The following SLC4A1 variants were observed in gnomAD, a reference collection of about 807,000 sequenced individuals.
The protein encoded by SLC4A1 is solute carrier family 4 member 1 (Diego blood group), also known as band 3 anion transport protein.
Under a neutral mutation model 93.1 loss-of-function variants are expected in SLC4A1, and 29 were observed. The observed-to-expected ratio is 0.31, with a 90% confidence interval of 0.23 to 0.42. The LOEUF (loss-of-function observed/expected upper bound fraction) is 0.42. SLC4A1 is among the 20% of genes least tolerant of loss of function. The pLI is 1.00. For synonymous variants in SLC4A1, 469 were observed against 497.2 expected, an observed-to-expected ratio of 0.94 and a Z score of 0.76; for missense variants, 965 against 1,190.1, an observed-to-expected ratio of 0.81 and a Z score of 2.78.
At chr17:44,260,946 C>G in intron 4 of SLC4A1, 131 bp from the exon 5 acceptor site, 1 of 1,003,630 alleles carries the variant, frequency 1.0e-6, no homozygotes, top group Non-Finnish European at 1.5e-6. Context: ...AGATACGGCT[C>G]ACACCACTCC....
intron 13 of SLC4A1, 69 bp downstream of exon 13, chr17:44,257,281 C>T (rs963991843): frequency 1.0e-5 from 15 of 1,497,426 alleles, no homozygotes; most frequent in South Asian, 4.5e-5. Flanking sequence ...CCTGAGCCCT[C>T]GCACCCGGCC....
At position 44,251,070 on chromosome 17, in the gene SLC4A1, C is replaced by G. The variant is rs543131475; in HGVS notation, c.2655+89G>C. ...ACACCAGCCCTAGCCCCAGACTTTA[C>G]CCATGACTCTGTCCTGCCTGCCCTA... On this transcript the variant is annotated intron_variant, in intron 19 of 19. Transcript: ENST00000262418. 241 of 1,420,742 alleles carry G rather than the reference C, an allele frequency of 1.7e-4. 3 individuals carry two copies. In the South Asian group the frequency reaches 2.8e-3, roughly 17 times the overall value. 88.0% of individuals were successfully genotyped at this position (1,420,742 alleles called of 1,614,324 possible).
In SLC4A1 at chr17:44,251,303, C is replaced by T. The variant is rs746196857; in HGVS notation, c.2511G>A (p.Thr837=). The part of the protein sequence containing the change: ...RVKTWRMHLF[T]GIQIICLAVL... Reference sequence around the variant, plus strand: ...CTGCCAGGCAGATGATCTGGATGCCCGTGAATAAGTGCATGCGCCAGGTCT... The same window carrying T: ...CTGCCAGGCAGATGATCTGGATGCCTGTGAATAAGTGCATGCGCCAGGTCT... Residue 837 remains threonine (T), a synonymous_variant, in exon 19 of 20, where the codon ACG becomes ACA. Transcript: ENST00000262418. 1.2e-6 allele frequency: 2 copies of T among 1,614,056 alleles called. No individual in the cohort carries two copies. Among genetic ancestry groups the T allele is most frequent in the Admixed American group, 1.7e-5 (1 of 60,008 alleles).
Position 44,250,930 on chromosome 17 carries a change from G to A in SLC4A1, c.2655+229C>T, listed in dbSNP as rs565191504. ...CAGCACACCCTGTCTGCCTCTTGAC[G>A]CTCTCCCCAGTCGTGCCATCATTTC... On this transcript the variant is annotated intron_variant, in intron 19 of 19. Transcript: ENST00000262418. 8.7e-4 allele frequency among the ~76,000 whole-genome samples: 132 copies of A among 152,280 alleles called. 1 individual carries two copies. The highest frequency in any genetic ancestry group is 1.1e-3 in the Non-Finnish European group (74 of 68,016).
Position 44,254,655 on chromosome 17 carries a change from G to C in SLC4A1, c.1898C>G (p.Ser633Trp), listed in dbSNP as rs760240566. 6.2e-7 allele frequency: 1 copy of C among 1,613,860 alleles called. No individual in the cohort carries two copies. Among genetic ancestry groups the C allele is most frequent in the Non-Finnish European group, 8.5e-7 (1 of 1,179,986 alleles). ...FIQDTYTQKLSVPDGFKVSNS... is the reference protein window; with the variant it reads ...FIQDTYTQKLWVPDGFKVSNS... The stretch of plus-strand genomic sequence containing the variant: ...GGACACCTTGAAGCCATCAGGCACC[G>C]AGAGTTTCTGTGGGAGGGGGTAGCA... Residue 633 changes from serine (S) to tryptophan (W), a missense_variant, in exon 16 of 20, where the codon TCG (serine) becomes TGG (tryptophan). Ser to Trp is a radical substitution (Grantham distance 177, BLOSUM62 -3). Coordinates refer to ENST00000262418, the MANE Select transcript of SLC4A1 (RefSeq NM_000342.4).
rs1817170937 is a variant in SLC4A1 at position 44,258,389 on chromosome 17, G to A, written c.1087+24C>T. 2 of 1,610,494 alleles carry A rather than the reference G, an allele frequency of 1.2e-6. No individual in the cohort carries two copies. The highest frequency in any genetic ancestry group is 1.7e-6 in the Non-Finnish European group (2 of 1,176,908). On this transcript the variant is annotated intron_variant, in intron 10 of 19. Transcript: ENST00000262418. This position sits in a 1 kb window ranked among gnomAD's most constrained non-coding sequence, Gnocchi z 6.1. ...CTGGGGGTCGGTGGGGGCTCAGAAA[G>A]CCTCAGCTGGGAAGGGCAGGTACCT...
rs752788858 is a variant in SLC4A1 at position 44,257,484 on chromosome 17, T to A, written c.1492A>T (p.Ile498Phe). ...VGRVWIGFWL[I>F]LLVVLVVAFE... ...GCCACCACCAACACCACCAGCAGGA[T>A]GAGCCAGAAGCCGATCCACACGCGG... Residue 498 changes from isoleucine (I) to phenylalanine (F), a missense_variant, in exon 13 of 20, where the codon ATC becomes TTC. By Grantham distance (21) the Ile-to-Phe change is conservative. Coordinates refer to ENST00000262418, the MANE Select transcript of SLC4A1 (RefSeq NM_000342.4). The A allele has an allele frequency of 1.2e-6, 2 of 1,613,364 alleles. No individual in the cohort carries two copies. Among genetic ancestry groups the A allele is most frequent in the Non-Finnish European group, 1.7e-6 (2 of 1,179,802 alleles).
chr17:44,257,646 A>C lies in SLC4A1; in HGVS notation c.1431+13T>G, dbSNP rs747632229. On this transcript the variant is annotated intron_variant, in intron 12 of 19. Coordinates refer to ENST00000262418, the MANE Select transcript of SLC4A1 (RefSeq NM_000342.4). ...GGGACATGACAGGGTCAGTGGGGCA[A>C]GGACAGAACTACCGAGAAGAAGGCT... is the stretch of plus-strand genomic sequence containing the variant. 9.3e-6 allele frequency: 15 copies of C among 1,613,580 alleles called. No homozygotes were observed. Among genetic ancestry groups the C allele is most frequent in the Admixed American group, 3.3e-5 (2 of 59,974 alleles).
intron 19 of SLC4A1, among the ~76,000 whole-genome samples, 191 bp from the exon 20 acceptor site, chr17:44,250,729 G>T (rs764829137): frequency 6.6e-6 from 1 of 152,176 alleles, no homozygotes; most frequent in Non-Finnish European, 1.5e-5. Context: ...AGGCAACCCC[G>T]GGGATGTGGA....
At chr17:44,263,368 G>T (rs1332214471) in intron 1 of SLC4A1, among the ~76,000 whole-genome samples, 5 of 152,122 alleles carry the variant, frequency 3.3e-5, no homozygotes, top group African/African-American at 1.2e-4. Context: ...AATAGCTGCT[G>T]CCCACCGGGC....
chr17:44,262,986 T>C (rs1008169238), intron 1 of SLC4A1, 52 bp from the exon 2 acceptor site: 1 of 1,504,464 alleles, frequency 6.6e-7, no homozygotes, highest in African/African-American at 1.4e-5. Flanking sequence ...CAGGGTCTCC[T>C]GGTCCTCCTC....
chr17:44,267,511 G>GTTCCC (rs2047504667), intron 1 of SLC4A1, among the ~76,000 whole-genome samples: 1 of 152,244 alleles, frequency 6.6e-6, no homozygotes, highest in Non-Finnish European at 1.5e-5. Flanking sequence ...TTTGCCCTCA[G>GTTCCC]TTCCCATGGA....
rs757478694 is a variant in SLC4A1 at position 44,257,505 on chromosome 17, C to T, written c.1471G>A (p.Val491Met). The T allele has an allele frequency of 1.9e-5, 31 of 1,613,996 alleles. No individual in the cohort carries two copies. The highest frequency in any genetic ancestry group is 2.2e-5 in the South Asian group (2 of 91,066). ...TNGLEYIVGR[V>M]WIGFWLILLV... The stretch of plus-strand genomic sequence containing the variant: ...AGGATGAGCCAGAAGCCGATCCACA[C>T]GCGGCCCACGATGTACTCTAGACCG... The change falls in exon 13 of 20, where the codon GTG becomes ATG. Residue 491 changes from valine to methionine, a missense_variant. By Grantham distance (21) the Val-to-Met change is conservative (BLOSUM62 1). Around this residue, in one of 2 missense-constraint regions of SLC4A1, gnomAD observed 770 missense variants for 1,006.6 expected, o/e 0.76. Coordinates refer to ENST00000262418, the MANE Select transcript of SLC4A1 (RefSeq NM_000342.4).
intron 17 of SLC4A1, 98 bp downstream of exon 17, chr17:44,253,020 G>T: frequency 7.8e-7 from 1 of 1,275,408 alleles, no homozygotes; most frequent in Admixed American, 1.7e-5. Context: ...GATGGGGGAG[G>T]CTGGAGGAGG....
intron 9 of SLC4A1, 60 bp downstream of exon 9, chr17:44,259,103 C>T: frequency 1.3e-6 from 2 of 1,561,266 alleles, no homozygotes; most frequent in South Asian, 2.3e-5. Flanking sequence ...GGAGAGCAGG[C>T]CTCAGCCACC....
intron 4 of SLC4A1, 123 bp from the exon 5 acceptor site, chr17:44,260,938 A>C: frequency 1.8e-6 from 2 of 1,107,268 alleles, no homozygotes; most frequent in East Asian, 5.1e-5. Flanking sequence ...GGGTCCGTAG[A>C]TACGGCTCAC....
intron 3 of SLC4A1, chr17:44,262,035 A>C: frequency 1.7e-6 from 2 of 1,178,018 alleles, no homozygotes; most frequent in Non-Finnish European, 2.1e-6. Context: ...ACCTGCCTCA[A>C]TGAGCCCGTC....
In SLC4A1 at chr17:44,263,015, A is replaced by AGTGGAGGGGATCCACGTG. The variant is rs1326879867; in HGVS notation, c.-68-99_-68-82dup. 2.6e-6 allele frequency: 3 copies of AGTGGAGGGGATCCACGTG among 1,142,610 alleles called. No homozygotes were observed. The East Asian group carries it at 7.1e-5, about 27-fold the overall frequency. The allele number at this position is 1,142,610 out of a possible 1,614,324, so 70.8% of individuals were successfully genotyped here. ...CCTCCTCCAGAGGGGGCCACATGTCAGTGGAGGGGATCCACGTGTTGGAGG... is the reference window on the plus strand; with the variant it reads ...CCTCCTCCAGAGGGGGCCACATGTCAGTGGAGGGGATCCACGTGGTGGAGGGGATCCACGTGTTGGAGG... On this transcript the variant is annotated intron_variant, in intron 1 of 19. Transcript: ENST00000262418.
intron 1 of SLC4A1, among the ~76,000 whole-genome samples, chr17:44,263,703 TTCCC>T (rs1347078216): frequency 1.9e-4 from 11 of 59,032 alleles, no homozygotes; most frequent in South Asian, 1.1e-3. Flanking sequence ...CTTCCCTCCC[TTCCC>T]TCCTTCCTTC....
Sources: allele counts gnomAD v4.1 joint callset (sites outside exome capture counted in the v4.1 genomes callset), GRCh38; gene constraint gnomAD v4.1.1; regional missense constraint gnomAD v4.1.1; non-coding constraint Gnocchi (gnomAD v3.1); transcripts MANE v1.5; gene names NCBI Gene and HGNC (gene_info 2026-07-23, HGNC 2026-07-21).